Variants in LRRFIP2 observed in about 807,000 individuals in gnomAD.
LRRFIP2 encodes the protein leucine-rich repeat flightless-interacting protein 2.
In LRRFIP2, 109 loss-of-function variants were observed where a neutral mutation model predicts 125.9. That is an observed-to-expected ratio of 0.87 (90% CI 0.74 to 1.01). The LOEUF (loss-of-function observed/expected upper bound fraction) is 1.01. Ranked by LOEUF, LRRFIP2 falls within the 50% of genes least tolerant of loss-of-function variation. The pLI, the probability that LRRFIP2 is intolerant of heterozygous loss-of-function variation, is 0.00. For missense variants in LRRFIP2, 850 were observed against 862.3 expected (o/e 0.99, Z 0.18); for synonymous variants, 291 against 293.1 (o/e 0.99, Z 0.07).
intron 19 of LRRFIP2, among the ~76,000 whole-genome samples, chr3:37,082,531 C>A (rs1292829040): frequency 2.0e-5 from 3 of 152,044 alleles, no homozygotes; most frequent in Admixed American, 2.0e-4. Flanking sequence ...ATCACTATCA[C>A]CCAAAGTCCA....
At chr3:37,140,885 T>C (rs2095680082) in intron 2 of LRRFIP2, among the ~76,000 whole-genome samples, 1 of 152,190 alleles carries the variant, frequency 6.6e-6, no homozygotes, top group Non-Finnish European at 1.5e-5. Flanking sequence ...AGATTCTCTT[T>C]ACTATTTCTT....
intron 24 of LRRFIP2, among the ~76,000 whole-genome samples, chr3:37,063,317 G>T (rs1010372741): frequency 6.6e-6 from 1 of 152,122 alleles, no homozygotes; most frequent in Admixed American, 6.5e-5. Context: ...AGGGACAAAG[G>T]ATGAAAAACA....
At chr3:37,068,070 G>C (rs780141711) in intron 21 of LRRFIP2, 13 of 152,126 alleles carry the variant, frequency 8.5e-5, no homozygotes, top group Non-Finnish European at 1.5e-5. Flanking sequence ...GTCTGCCTGT[G>C]AATTAACAAT....
chr3:37,142,109 AT>A (rs2095717515), intron 2 of LRRFIP2, among the ~76,000 whole-genome samples: 1 of 136,666 alleles, frequency 7.3e-6, no homozygotes, highest in Admixed American at 7.2e-5. Context: ...GTTTCTTTGT[AT>A]TTCTCTTCAA....
At position 37,083,984 on chromosome 3, in the gene LRRFIP2, C is replaced by T. The variant is rs541245184; in HGVS notation, c.1108-178G>A. 2.6e-5 allele frequency among the ~76,000 whole-genome samples: 4 copies of T among 152,178 alleles called. No individual in the cohort carries two copies. In the East Asian group the frequency reaches 7.7e-4, roughly 29 times the overall value. On this transcript the variant is annotated intron_variant, in intron 18 of 27. Coordinates refer to ENST00000336686, the MANE Select transcript of LRRFIP2 (RefSeq NM_006309.4). ...GTGAAACAGGAAGACAATAATAAGC[C>T]GATAATGCCTTTATAAGAACAATAT... is the stretch of plus-strand genomic sequence containing the variant.
chr3:37,091,414 G>T, intron 18 of LRRFIP2, 53 bp downstream of exon 18: 1 of 1,454,248 alleles, frequency 6.9e-7, no homozygotes, highest in Non-Finnish European at 9.4e-7. Flanking sequence ...AGCCACCATT[G>T]CCAACACTTC....
intron 18 of LRRFIP2, among the ~76,000 whole-genome samples, chr3:37,088,964 A>T (rs2093268467): frequency 6.6e-6 from 1 of 152,132 alleles, no homozygotes; most frequent in Admixed American, 6.5e-5. Context: ...TTGGTAGATT[A>T]TCTTTCAGGC....
intron 18 of LRRFIP2, among the ~76,000 whole-genome samples, chr3:37,089,822 A>G (rs1368191920): frequency 6.6e-6 from 1 of 152,226 alleles, no homozygotes; most frequent in African/African-American, 2.4e-5. Flanking sequence ...GATCCAAGAT[A>G]ATTTCAAAAG....
At chr3:37,089,929 T>C (rs1018515775) in intron 18 of LRRFIP2, among the ~76,000 whole-genome samples, 1 of 152,206 alleles carries the variant, frequency 6.6e-6, no homozygotes, top group African/African-American at 2.4e-5. Flanking sequence ...TCTTCTGATA[T>C]TTACTGACAA....
intron 2 of LRRFIP2, among the ~76,000 whole-genome samples, chr3:37,148,445 TG>T (rs1447008068): frequency 6.6e-6 from 1 of 152,202 alleles, no homozygotes; most frequent in Non-Finnish European, 1.5e-5. Context: ...ACCTAGTAGC[TG>T]CGGAAACGAA....
At position 37,112,895 on chromosome 3, in the gene LRRFIP2, T is replaced by G. The variant is rs199851533; in HGVS notation, c.438+20A>C. 23 of 1,434,748 alleles carry G rather than the reference T, an allele frequency of 1.6e-5. No homozygotes were observed. The Admixed American group carries it at 3.8e-4, about 24-fold the overall frequency. The allele number at this position is 1,434,748 out of a possible 1,614,324, so 88.9% of individuals were successfully genotyped here. A position where few individuals can be genotyped will look rare whatever the true frequency, so the allele number is the denominator to read the frequency against. On this transcript the variant is annotated intron_variant, in intron 8 of 27. Coordinates refer to ENST00000336686, the MANE Select transcript of LRRFIP2 (RefSeq NM_006309.4). ...TAACAGTACTTCGTGAATTGTGATATGAGAGACAACAGAACTAACCAGTAG... is the reference window on the plus strand; with the variant it reads ...TAACAGTACTTCGTGAATTGTGATAGGAGAGACAACAGAACTAACCAGTAG...
chr3:37,111,140 G>T, intron 8 of LRRFIP2, 75 bp from the exon 9 acceptor site: 1 of 1,274,982 alleles, frequency 7.8e-7, no homozygotes, highest in South Asian at 1.3e-5. Context: ...AGGCAAAACT[G>T]AACACAAAAA....
At chr3:37,089,747 T>C (rs1448034831) in intron 18 of LRRFIP2, among the ~76,000 whole-genome samples, 2 of 152,180 alleles carry the variant, frequency 1.3e-5, no homozygotes, top group East Asian at 1.9e-4. Context: ...AATCACATGA[T>C]TGCTTTCCTG....
intron 13 of LRRFIP2, among the ~76,000 whole-genome samples, chr3:37,106,512 T>C (rs2094331509): frequency 6.6e-6 from 1 of 152,132 alleles, no homozygotes; most frequent in Non-Finnish European, 1.5e-5. Context: ...ATCCTACATT[T>C]GACTGAAAAT....
intron 9 of LRRFIP2, among the ~76,000 whole-genome samples, chr3:37,110,488 T>TA (rs1431693308): frequency 2.6e-5 from 4 of 152,254 alleles, no homozygotes; most frequent in East Asian, 3.9e-4. Context: ...CAAATGCCTT[T>TA]AAAAAAACAA....
At position 37,065,835 on chromosome 3, in the gene LRRFIP2, C is replaced by G. The variant is rs778858387; in HGVS notation, c.1674G>C (p.Leu558Phe). 6.8e-6 allele frequency: 11 copies of G among 1,614,040 alleles called. No individual in the cohort carries two copies. In the Admixed American group the frequency reaches 1.7e-4, roughly 24 times the overall value. The stretch of plus-strand genomic sequence containing the variant: ...CTAATGGCCCTTCTCCTGCTGACTC[C>G]AAGACCTGAGCAGCTTCCTGAGACA... ...TVVSQEAAQV[L>F]ESAGEGPLDV... The change falls in exon 23 of 28, where the codon TTG (leucine) becomes TTC (phenylalanine). Residue 558 changes from leucine (L) to phenylalanine (F), a missense_variant. Transcript: ENST00000336686.
intron 19 of LRRFIP2, among the ~76,000 whole-genome samples, chr3:37,079,756 A>T (rs575511170): frequency 3.2e-4 from 49 of 152,342 alleles, no homozygotes; most frequent in African/African-American, 1.2e-3. Context: ...AAAAGGAATT[A>T]AGTATTGATA....
chr3:37,072,945 A>G, intron 20 of LRRFIP2, 63 bp from the exon 21 acceptor site: 2 of 1,076,228 alleles, frequency 1.9e-6, no homozygotes, highest in South Asian at 2.8e-5. Context: ...AGGAGGTTTG[A>G]GGGAGGAAAC....
At chr3:37,133,627 G>T (rs2095485101) in intron 2 of LRRFIP2, among the ~76,000 whole-genome samples, 1 of 152,144 alleles carries the variant, frequency 6.6e-6, no homozygotes, top group Non-Finnish European at 1.5e-5. Flanking sequence ...AATAGTGGTT[G>T]CCAGGGACTG....
Sources: allele counts gnomAD v4.1 joint callset (sites outside exome capture counted in the v4.1 genomes callset), GRCh38; gene constraint gnomAD v4.1.1; transcripts MANE v1.5; gene names NCBI Gene and HGNC (gene_info 2026-07-23, HGNC 2026-07-21).